Variants in NFIA observed in about 807,000 individuals in gnomAD.
NFIA encodes nuclear factor 1 A-type.
In NFIA, 8 loss-of-function variants were observed where a neutral mutation model predicts 62.8. The observed-to-expected ratio is 0.13, with a 90% CI of 0.07 to 0.23. The LOEUF (loss-of-function observed/expected upper bound fraction) is 0.23. Among genes scored for constraint, NFIA ranks in the 10% least tolerant of loss-of-function variants. NFIA has a pLI of 1.00. For missense variants in NFIA, 410 were observed against 642.1 expected, an observed-to-expected ratio of 0.64 and a Z score of 3.91; for synonymous variants, 235 against 238.1, an observed-to-expected ratio of 0.99 and a Z score of 0.12.
chr1:61,185,167 A>C (rs772281457), intron 2 of NFIA, among the ~76,000 whole-genome samples: 3 of 152,198 alleles, frequency 2.0e-5, no homozygotes, highest in African/African-American at 7.2e-5. Context: ...AAGTGAGTCA[A>C]ATCTTCCTGT....
upstream of NFIA, chr1:61,082,536 A>C: frequency 7.1e-7 from 1 of 1,409,536 alleles, no homozygotes; most frequent in East Asian, 2.7e-5. Flanking sequence ...AGGCATGTAT[A>C]GTGGAGTGTA....
At chr1:61,405,669 G>C (rs964769307) in intron 8 of NFIA, among the ~76,000 whole-genome samples, 1 of 152,094 alleles carries the variant, frequency 6.6e-6, no homozygotes, top group African/African-American at 2.4e-5. Context: ...TTTTGTAATA[G>C]TCCTGACACC....
intron 7 of NFIA, among the ~76,000 whole-genome samples, chr1:61,390,264 C>G (rs1664903938): frequency 6.6e-6 from 1 of 152,036 alleles, no homozygotes; most frequent in Non-Finnish European, 1.5e-5. Context: ...TCTTAGATAA[C>G]TAAGTACCAA....
At chr1:61,219,667 TCGC>T (rs1653884201) in intron 2 of NFIA, among the ~76,000 whole-genome samples, 1 of 145,056 alleles carries the variant, frequency 6.9e-6, no homozygotes, top group Admixed American at 7.1e-5. Flanking sequence ...TGAGCCGAGA[TCGC>T]GCCATTGCCC....
At chr1:61,402,467 C>G (rs191700374) in intron 7 of NFIA, among the ~76,000 whole-genome samples, 1 of 152,270 alleles carries the variant, frequency 6.6e-6, no homozygotes, top group East Asian at 1.9e-4. Context: ...TTCAGTCATT[C>G]ACTGCACATT....
intron 2 of NFIA, among the ~76,000 whole-genome samples, chr1:61,260,754 G>A (rs776411920): frequency 3.3e-5 from 5 of 151,964 alleles, no homozygotes; most frequent in African/African-American, 7.3e-5. Flanking sequence ...CTAATTTTTT[G>A]TATTTTTAGT....
At chr1:61,290,734 A>G (rs935958399) in intron 3 of NFIA, among the ~76,000 whole-genome samples, 2 of 152,218 alleles carry the variant, frequency 1.3e-5, no homozygotes, top group African/African-American at 4.8e-5. Context: ...GCAACACAAT[A>G]TCATGAAAGG....
rs1461004728 is a variant in NFIA, at chr1:61,462,030, TTTTTTTTTTTTTGGC to T, written c.*6721_*6735del. The T allele has an allele frequency of 2.3e-4, 35 of 150,068 alleles. No individual in the cohort carries two copies. Among genetic ancestry groups the T allele is most frequent in the Non-Finnish European group, 7.4e-5 (5 of 67,602 alleles). 9.3% of individuals were successfully genotyped at this position (150,068 alleles called of 1,614,324 possible). ...TGTAAGTTAGCCTTTTTGGGTTTTT[TTTTTTTTTTTTTGGC>T]TTTTTTTTTTGTTTGTTTTTTTTTC... On this transcript the variant is annotated 3_prime_UTR_variant, in exon 11 of 11. Transcript: ENST00000403491.
intron 3 of NFIA, among the ~76,000 whole-genome samples, chr1:61,311,650 TG>T (rs1443520475): frequency 6.6e-6 from 1 of 152,150 alleles, no homozygotes; most frequent in African/African-American, 2.4e-5. Flanking sequence ...AAATGTCACC[TG>T]GGGGCAAATC....
At chr1:61,314,839 G>A (rs943797878) in intron 3 of NFIA, among the ~76,000 whole-genome samples, 2 of 152,178 alleles carry the variant, frequency 1.3e-5, no homozygotes, top group Non-Finnish European at 2.9e-5. Flanking sequence ...TCTTCCTGGT[G>A]TGAATCAAGC....
chr1:61,421,146 A>G (rs1322549503), intron 9 of NFIA, among the ~76,000 whole-genome samples: 5 of 152,198 alleles, frequency 3.3e-5, no homozygotes, highest in South Asian at 4.1e-4. Flanking sequence ...TCCTCCTGCC[A>G]GTGTCACTTT....
At chr1:61,134,536 GAACTATA>G (rs1355561604) in intron 2 of NFIA, among the ~76,000 whole-genome samples, 3 of 152,102 alleles carry the variant, frequency 2.0e-5, no homozygotes, top group African/African-American at 7.2e-5. Flanking sequence ...TTACCTGTTT[GAACTATA>G]CAGGCTATAA....
intron 2 of NFIA, 88 bp from the exon 3 acceptor site, chr1:61,277,432 G>A (rs185450317): frequency 1.7e-6 from 2 of 1,205,988 alleles, no homozygotes; most frequent in East Asian, 2.4e-5. Context: ...TTAGTTTATA[G>A]GTTGAACCTT....
intron 6 of NFIA, among the ~76,000 whole-genome samples, chr1:61,361,634 T>G (rs1663294733): frequency 6.6e-6 from 1 of 152,158 alleles, no homozygotes. Flanking sequence ...CAGAATATTT[T>G]GACCTAGTGA....
chr1:61,419,280 C>A (rs1666495653), intron 9 of NFIA, among the ~76,000 whole-genome samples: 1 of 151,932 alleles, frequency 6.6e-6, no homozygotes, highest in South Asian at 2.1e-4. Flanking sequence ...CCTACTTCTA[C>A]AAAAAATAAA....
At chr1:61,452,224 T>C (rs1270984966) in intron 10 of NFIA, among the ~76,000 whole-genome samples, 1 of 151,256 alleles carries the variant, frequency 6.6e-6, no homozygotes, top group East Asian at 1.9e-4. Context: ...CTTTACAAAC[T>C]GATTAGGAGA....
chr1:61,134,515 C>T (rs1355806410), intron 2 of NFIA, among the ~76,000 whole-genome samples: 2 of 152,120 alleles, frequency 1.3e-5, no homozygotes, highest in African/African-American at 2.4e-5. Flanking sequence ...TTACATGTCT[C>T]ATGAACTTTC....
chr1:61,396,275 T>A (rs1030799697), intron 7 of NFIA, among the ~76,000 whole-genome samples: 3 of 152,198 alleles, frequency 2.0e-5, no homozygotes, highest in African/African-American at 7.2e-5. Flanking sequence ...ATATAGGGTC[T>A]TGCTCTGTCA....
At chr1:61,361,696 G>A (rs189505233) in intron 6 of NFIA, among the ~76,000 whole-genome samples, 260 of 151,742 alleles carry the variant, frequency 1.7e-3, no homozygotes, top group Non-Finnish European at 2.8e-3. Flanking sequence ...TGATTCAAAC[G>A]ATCATAAATT....
Sources: allele counts gnomAD v4.1 joint callset (sites outside exome capture counted in the v4.1 genomes callset), GRCh38; gene constraint gnomAD v4.1.1; transcripts MANE v1.5; gene names NCBI Gene and HGNC (gene_info 2026-07-23, HGNC 2026-07-21).